TIAM1: variants seen among roughly 807,000 people sequenced by gnomAD.
TIAM1 encodes TIAM Rac1 associated GEF 1.
TIAM1 carries 65 observed loss-of-function variants against 163.5 expected under a neutral mutation model. That is an observed-to-expected ratio of 0.40 (90% CI 0.33 to 0.49). TIAM1 has a LOEUF of 0.49. TIAM1 is among the 20% of genes least tolerant of loss of function. The probability of loss-of-function intolerance (pLI) is 0.77; values close to 1 mark genes in which losing one functional copy is unlikely to be tolerated. For missense variants in TIAM1, 1,789 were observed against 2,044.7 expected (o/e 0.87, Z 2.41); for synonymous variants, 833 against 810.1 (o/e 1.03, Z -0.48).
chr21:31,304,134 A>G (rs752820162), intron 2 of TIAM1, among the ~76,000 whole-genome samples: 4 of 152,186 alleles, frequency 2.6e-5, no homozygotes. Context: ...TGAGAGCTAC[A>G]CACATGTTCA....
intron 6 of TIAM1, among the ~76,000 whole-genome samples, chr21:31,226,932 G>T (rs901825463): frequency 6.7e-6 from 1 of 149,378 alleles, no homozygotes; most frequent in African/African-American, 2.5e-5. Context: ...TTGAGTGATG[G>T]CTTGTATACA....
intron 3 of TIAM1, among the ~76,000 whole-genome samples, chr21:31,275,476 G>C (rs768272727): frequency 4.3e-4 from 65 of 152,054 alleles, no homozygotes; most frequent in Non-Finnish European, 9.0e-4. Flanking sequence ...CTAAGATGAA[G>C]AAAATACTAC....
intron 6 of TIAM1, among the ~76,000 whole-genome samples, chr21:31,233,335 G>T (rs978667859): frequency 6.6e-6 from 1 of 152,056 alleles, no homozygotes; most frequent in Non-Finnish European, 1.5e-5. Flanking sequence ...TTCTGAAAAG[G>T]CTTTTTTCTT....
intron 2 of TIAM1, among the ~76,000 whole-genome samples, chr21:31,390,460 G>A (rs996598101): frequency 2.9e-4 from 44 of 152,180 alleles, no homozygotes; most frequent in Admixed American, 5.9e-4. Flanking sequence ...CCTATGTATT[G>A]AAATTACATT....
At chr21:31,465,758 G>C (rs148715598) in intron 1 of TIAM1, among the ~76,000 whole-genome samples, 96 of 152,282 alleles carry the variant, frequency 6.3e-4, no homozygotes, top group African/African-American at 1.7e-3. Flanking sequence ...TTTTAGTAGA[G>C]ACGGGGTTTC....
chr21:31,521,779 A>ACACAC (rs1432336156), intron 1 of TIAM1, among the ~76,000 whole-genome samples: 5 of 77,494 alleles, frequency 6.5e-5, no homozygotes, highest in African/African-American at 2.0e-4. Flanking sequence ...CACACACACA[A>ACACAC]AGTAAAGGAC....
chr21:31,193,942 G>C (rs1284551446), intron 13 of TIAM1, among the ~76,000 whole-genome samples: 1 of 152,170 alleles, frequency 6.6e-6, no homozygotes, highest in Admixed American at 6.5e-5. Flanking sequence ...ATAAAGATTA[G>C]GATAGGGCAG....
At chr21:31,527,067 A>C (rs1207469328) in intron 1 of TIAM1, among the ~76,000 whole-genome samples, 3 of 152,120 alleles carry the variant, frequency 2.0e-5, no homozygotes, top group Non-Finnish European at 2.9e-5. Context: ...TATCCGGGCC[A>C]CACACTGTGG....
chr21:31,160,438 C>T (rs933668319), intron 16 of TIAM1: 14 of 398,470 alleles, frequency 3.5e-5, no homozygotes, highest in South Asian at 1.3e-4. Flanking sequence ...ACAGCAAAGG[C>T]GCTCACCAGA....
In TIAM1 at chr21:31,327,612, G is replaced by C. The variant is rs113048646; in HGVS notation, c.-189+11631C>G. ...AGCTGAGATGTGCCACTGCACTCCA[G>C]CCTGGGCAACAGAGTGAAACGCCGC... On this transcript the variant is annotated intron_variant, in intron 2 of 27. Coordinates refer to ENST00000541036, the MANE Select transcript of TIAM1 (RefSeq NM_001353694.2). Among the ~76,000 whole-genome samples, 110 of 125,782 alleles carry C rather than the reference G, an allele frequency of 8.7e-4. 1 individual carries two copies. In the Middle Eastern group the frequency reaches 0.051, roughly 59 times the overall value. 82.5% of individuals were successfully genotyped at this position (125,782 alleles called of 152,430 possible). A position where few individuals can be genotyped will look rare whatever the true frequency, so the allele number is the denominator to read the frequency against.
intron 2 of TIAM1, among the ~76,000 whole-genome samples, chr21:31,375,769 C>T (rs1401667485): frequency 6.6e-6 from 1 of 152,186 alleles, no homozygotes; most frequent in Non-Finnish European, 1.5e-5. Flanking sequence ...TGGCTCACGC[C>T]TGTAATCCCA....
chr21:31,236,933 G>A (rs1372242477), intron 6 of TIAM1, among the ~76,000 whole-genome samples: 3 of 152,178 alleles, frequency 2.0e-5, no homozygotes, highest in Non-Finnish European at 4.4e-5. Context: ...AATGAAAGCC[G>A]TTTTTAAGTA....
chr21:31,274,078 T>G (rs940518604), intron 3 of TIAM1, among the ~76,000 whole-genome samples: 5 of 152,098 alleles, frequency 3.3e-5, no homozygotes, highest in Admixed American at 3.3e-4. Context: ...TAGCCAGGCA[T>G]GGTACACACC....
chr21:31,119,962 TC>T lies in TIAM1; in HGVS notation c.*405del, dbSNP rs138342503. On this transcript the variant is annotated 3_prime_UTR_variant, in exon 28 of 28. Transcript: ENST00000541036. ...TTTCATTTTGTGTGTGAAAGAGGTT[TC>T]CCCAGCTAGGAGACTGATTTCAGAT... is the stretch of plus-strand genomic sequence containing the variant. The T allele has an allele frequency of 2.2e-3, 356 of 158,912 alleles. 12 individuals carry two copies. In the East Asian group the frequency reaches 0.052, roughly 23 times the overall value. 9.8% of individuals were successfully genotyped at this position (158,912 alleles called of 1,614,324 possible). A position where few individuals can be genotyped will look rare whatever the true frequency, so the allele number is the denominator to read the frequency against.
Position 31,175,606 on chromosome 21 carries a change from C to CT in TIAM1, c.2887+6814dup, listed in dbSNP as rs141269267. Among the ~76,000 whole-genome samples, 2,514 of 150,376 alleles carry CT rather than the reference C, an allele frequency of 0.017. 192 individuals are homozygous for CT. In the East Asian group the frequency reaches 0.25, roughly 15 times the overall value. On this transcript the variant is annotated intron_variant, in intron 15 of 27. Transcript: ENST00000541036. Reference sequence around the variant, plus strand: ...TTCTCTCAATAAATGCTTTATAAAACTTTTTTTTTTGAGACGGAGTCTCCC... The same window carrying CT: ...TTCTCTCAATAAATGCTTTATAAAACTTTTTTTTTTTGAGACGGAGTCTCCC...
chr21:31,317,513 C>T (rs976798072), intron 2 of TIAM1, among the ~76,000 whole-genome samples: 7 of 152,076 alleles, frequency 4.6e-5, no homozygotes, highest in African/African-American at 1.7e-4. Flanking sequence ...GGCACGGCGG[C>T]TCACGCCTGT....
At chr21:31,483,905 A>G (rs977234323) in intron 1 of TIAM1, among the ~76,000 whole-genome samples, 3 of 152,168 alleles carry the variant, frequency 2.0e-5, no homozygotes, top group Admixed American at 1.3e-4. Context: ...AAGGAGTGAG[A>G]AAATCCAATG....
intron 2 of TIAM1, among the ~76,000 whole-genome samples, chr21:31,432,001 G>A (rs2044045904): frequency 6.6e-6 from 1 of 150,806 alleles, no homozygotes; most frequent in Non-Finnish European, 1.5e-5. Flanking sequence ...AGAGTTACAT[G>A]CCATCTTACA....
rs1485519672 is a variant in TIAM1, at chr21:31,119,407, C to T, written c.*961G>A. The stretch of plus-strand genomic sequence containing the variant: ...CTGCCATGTGCAACAGACACACACA[C>T]CGCCCACCGGGGTGTCATGTTTAAT... On this transcript the variant is annotated 3_prime_UTR_variant, in exon 28 of 28. Coordinates refer to ENST00000541036, the MANE Select transcript of TIAM1 (RefSeq NM_001353694.2). 1 of 152,242 alleles carries T rather than the reference C, an allele frequency of 6.6e-6. No homozygotes were observed. Among genetic ancestry groups the T allele is most frequent in the South Asian group, 2.1e-4 (1 of 4,810 alleles). 9.4% of individuals were successfully genotyped at this position (152,242 alleles called of 1,614,324 possible).
Sources: allele counts gnomAD v4.1 joint callset (sites outside exome capture counted in the v4.1 genomes callset), GRCh38; gene constraint gnomAD v4.1.1; transcripts MANE v1.5; gene names NCBI Gene and HGNC (gene_info 2026-07-23, HGNC 2026-07-21).